The following ABCC4 variants were observed in gnomAD, a reference collection of about 807,000 sequenced individuals.
ABCC4 encodes the protein ATP binding cassette subfamily C member 4 (PEL blood group), also known as ATP-binding cassette sub-family C member 4.
A neutral mutation model predicts 168.5 loss-of-function variants in ABCC4; 102 were observed. That is an observed-to-expected ratio of 0.61 (90% CI 0.52 to 0.71). The LOEUF (loss-of-function observed/expected upper bound fraction) is 0.71, where lower values mean the gene tolerates loss of function less well. Among genes scored for constraint, ABCC4 ranks in the 30% least tolerant of loss-of-function variants. ABCC4 has a pLI of 0.00. For missense variants in ABCC4, 1,402 were observed against 1,605.8 expected (o/e 0.87, Z 2.17); for synonymous variants, 617 against 590.7 (o/e 1.04, Z -0.65).
At chr13:95,196,228 T>C (rs1171114996) in intron 8 of ABCC4, among the ~76,000 whole-genome samples, 2 of 152,092 alleles carry the variant, frequency 1.3e-5, no homozygotes, top group East Asian at 3.9e-4. Context: ...GCAAAAACTG[T>C]CAGCTCTCCT....
chr13:95,196,677 GA>G (rs2038454894), intron 8 of ABCC4, among the ~76,000 whole-genome samples: 2 of 46,840 alleles, frequency 4.3e-5, no homozygotes, highest in African/African-American at 7.7e-5. Flanking sequence ...AGGAAGGAAG[GA>G]AGGAAGGAAG....
chr13:95,284,203 T>C (rs1240484344), intron 1 of ABCC4, among the ~76,000 whole-genome samples: 1 of 152,092 alleles, frequency 6.6e-6, no homozygotes, highest in African/African-American at 2.4e-5. Context: ...TGGGGTTTTT[T>C]TGAGACAGGG....
intron 29 of ABCC4, among the ~76,000 whole-genome samples, chr13:95,039,579 A>G (rs1447216585): frequency 6.6e-6 from 1 of 152,156 alleles, no homozygotes; most frequent in Non-Finnish European, 1.5e-5. Context: ...CTCTCCAGCA[A>G]TGCAAACCTC....
chr13:95,286,924 C>T (rs1331833877), intron 1 of ABCC4, among the ~76,000 whole-genome samples: 6 of 142,560 alleles, frequency 4.2e-5, no homozygotes, highest in Non-Finnish European at 6.0e-5. Context: ...CCATTGCACT[C>T]TAGCCTGGGC....
At chr13:95,084,125 C>A (rs2034185641) in intron 20 of ABCC4, among the ~76,000 whole-genome samples, 1 of 152,196 alleles carries the variant, frequency 6.6e-6, no homozygotes, top group Admixed American at 6.5e-5. Flanking sequence ...CCTTTGCTAA[C>A]ATTTACTGAA....
intron 14 of ABCC4, among the ~76,000 whole-genome samples, chr13:95,169,716 T>C (rs932742107): frequency 1.3e-5 from 2 of 152,176 alleles, no homozygotes; most frequent in African/African-American, 2.4e-5. Flanking sequence ...GTCTTACTTA[T>C]AGCTATACCA....
chr13:95,200,414 C>G (rs761395607), intron 8 of ABCC4, among the ~76,000 whole-genome samples: 46 of 152,126 alleles, frequency 3.0e-4, no homozygotes, highest in Non-Finnish European at 4.1e-4. Context: ...TTCAGGGACA[C>G]GAGGACACTT....
intron 1 of ABCC4, 136 bp downstream of exon 1, chr13:95,301,105 G>T: frequency 1.2e-6 from 1 of 804,026 alleles, no homozygotes; most frequent in Non-Finnish European, 1.8e-6. Flanking sequence ...GCCCCGGCGT[G>T]GACCGCGTGG....
chr13:95,062,972 T>C (rs2033360583), intron 25 of ABCC4, 113 bp from the exon 26 acceptor site: 1 of 1,231,802 alleles, frequency 8.1e-7, no homozygotes, highest in Non-Finnish European at 1.1e-6. Context: ...ACATTCTATA[T>C]TGAGTGTAGT....
chr13:95,073,309 G>T lies in ABCC4; in HGVS notation c.2918-5C>A. ...CAACCTGCCCGGCATCCAGAGCTAC[G>T]TAAGGAGGAAGAAGGGAATAAAGTC... On this transcript the variant is annotated splice_region_variant and splice_polypyrimidine_tract_variant and intron_variant, in intron 23 of 30. Transcript: ENST00000645237. The T allele has an allele frequency of 6.2e-7, 1 of 1,610,428 alleles. No homozygotes were observed. The highest frequency in any genetic ancestry group is 8.5e-7 in the Non-Finnish European group (1 of 1,177,538).
chr13:95,193,022 A>C (rs1437696961), intron 9 of ABCC4, among the ~76,000 whole-genome samples: 1 of 152,252 alleles, frequency 6.6e-6, no homozygotes, highest in Non-Finnish European at 1.5e-5. Flanking sequence ...AGATGCGATG[A>C]TGTTCTAAAT....
chr13:95,246,889 C>G, intron 3 of ABCC4, 86 bp downstream of exon 3: 1 of 1,463,184 alleles, frequency 6.8e-7, no homozygotes, highest in Non-Finnish European at 9.3e-7. Context: ...CCTTCTGTTC[C>G]CCCATCCATT....
At chr13:95,135,564 C>T (rs796494166) in intron 19 of ABCC4, among the ~76,000 whole-genome samples, 1 of 152,008 alleles carries the variant, frequency 6.6e-6, no homozygotes, top group Non-Finnish European at 1.5e-5. Context: ...AAGCACATAC[C>T]ATCATGCCCA....
chr13:95,203,756 C>T (rs941920211), intron 8 of ABCC4, among the ~76,000 whole-genome samples: 2 of 151,982 alleles, frequency 1.3e-5, no homozygotes, highest in Non-Finnish European at 2.9e-5. Flanking sequence ...ACACACATAA[C>T]GAGGCAGAGA....
intron 29 of ABCC4, among the ~76,000 whole-genome samples, chr13:95,037,998 G>A (rs2032194071): frequency 6.6e-6 from 1 of 152,098 alleles, no homozygotes; most frequent in Non-Finnish European, 1.5e-5. Flanking sequence ...GGGACTACAG[G>A]TGCACGCCGC....
chr13:95,194,236 A>G (rs943291), intron 9 of ABCC4, among the ~76,000 whole-genome samples: 152,106 of 152,344 alleles, frequency 1, 75,934 homozygotes, highest in Middle Eastern at 1. Context: ...CTACCTGTCC[A>G]CTTACCACAC....
At chr13:95,053,288 T>C in intron 26 of ABCC4, 104 bp from the exon 27 acceptor site, 1 of 885,808 alleles carries the variant, frequency 1.1e-6, no homozygotes, top group Non-Finnish European at 1.8e-6. Flanking sequence ...ATAAAATTCA[T>C]GATAATAATT....
chr13:95,226,851 A>G (rs1231770048), intron 4 of ABCC4, among the ~76,000 whole-genome samples: 1 of 152,248 alleles, frequency 6.6e-6, no homozygotes, highest in African/African-American at 2.4e-5. Context: ...TTATTCACCA[A>G]TGAGGGGGAT....
chr13:95,033,756 C>A (rs558928106), intron 30 of ABCC4, among the ~76,000 whole-genome samples: 1 of 151,482 alleles, frequency 6.6e-6, no homozygotes, highest in South Asian at 2.1e-4. Flanking sequence ...TCCGCCTCCT[C>A]GGTTCAAGTG....
Sources: allele counts gnomAD v4.1 joint callset (sites outside exome capture counted in the v4.1 genomes callset), GRCh38; gene constraint gnomAD v4.1.1; transcripts MANE v1.5; gene names NCBI Gene and HGNC (gene_info 2026-07-23, HGNC 2026-07-21).